CNKSR3: variants seen among roughly 807,000 people sequenced by gnomAD.
CNKSR3 encodes CNKSR family member 3, also known as connector enhancer of kinase suppressor of ras 3.
In CNKSR3, 36 loss-of-function variants were observed where a neutral mutation model predicts 67.7. The ratio of observed to expected loss-of-function variants is 0.53; its 90% CI spans 0.41 to 0.70. CNKSR3 has a LOEUF of 0.70. Among genes scored for constraint, CNKSR3 ranks in the 30% least tolerant of loss-of-function variants. The pLI is 0.00. For missense variants in CNKSR3, 630 were observed against 695.2 expected (o/e 0.91, Z 1.05); for synonymous variants, 281 against 271.4 (o/e 1.04, Z -0.35).
intron 1 of CNKSR3, among the ~76,000 whole-genome samples, chr6:154,483,426 C>T (rs1475601556): frequency 1.3e-5 from 2 of 152,150 alleles, no homozygotes; most frequent in Non-Finnish European, 2.9e-5. Context: ...ACCAACTTCA[C>T]TGCCCAGCAC....
At chr6:154,492,320 C>T (rs1210532284) in intron 1 of CNKSR3, among the ~76,000 whole-genome samples, 1 of 150,876 alleles carries the variant, frequency 6.6e-6, no homozygotes, top group African/African-American at 2.5e-5. Context: ...TCCCTACTCT[C>T]ACTCACTTGG....
In CNKSR3 at chr6:154,401,791, A is replaced by C; in HGVS notation, c.*4563T>G. 1 of 152,266 alleles carries C rather than the reference A, an allele frequency of 6.6e-6. No homozygotes were observed. The highest frequency in any genetic ancestry group is 3.4e-3 in the Middle Eastern group (1 of 294). 9.4% of individuals were successfully genotyped at this position (152,266 alleles called of 1,614,324 possible). A position where few individuals can be genotyped will look rare whatever the true frequency, so the allele number is the denominator to read the frequency against. On this transcript the variant is annotated 3_prime_UTR_variant, in exon 13 of 13. Transcript: ENST00000607772. Reference sequence around the variant, plus strand: ...AAACAAGTCAGGCCTACTTCTCCATACCATTCATGCCTATGGTGGCAAAAG... The same window carrying C: ...AAACAAGTCAGGCCTACTTCTCCATCCCATTCATGCCTATGGTGGCAAAAG...
Position 154,406,731 on chromosome 6 carries a change from A to C in CNKSR3, c.1370-79T>G, listed in dbSNP as rs535428157. 50 of 1,301,510 alleles carry C rather than the reference A, an allele frequency of 3.8e-5. No homozygotes were observed. In the African/African-American group the frequency reaches 5.1e-4, roughly 13 times the overall value. 80.6% of individuals were successfully genotyped at this position (1,301,510 alleles called of 1,614,324 possible). A position where few individuals can be genotyped will look rare whatever the true frequency, so the allele number is the denominator to read the frequency against. On this transcript the variant is annotated intron_variant, in intron 12 of 12. Transcript: ENST00000607772. ...ACACCTGTAATCTCCGCACTTTGGG[A>C]GGTCGAGGTGGGTGGATCACGAGGT...
intron 1 of CNKSR3, 26 bp from the exon 2 acceptor site, chr6:154,450,284 T>C (rs138502359): frequency 6.2e-7 from 1 of 1,610,192 alleles, no homozygotes; most frequent in Non-Finnish European, 8.5e-7. Context: ...AGAAGTCCCA[T>C]TATTGCCATT....
At chr6:154,419,892 C>T in intron 9 of CNKSR3, among the ~76,000 whole-genome samples, 1 of 151,820 alleles carries the variant, frequency 6.6e-6, no homozygotes, top group East Asian at 1.9e-4. Flanking sequence ...CCAGACTGGC[C>T]AATATGGTGA....
At chr6:154,431,027 T>C (rs560068564) in intron 5 of CNKSR3, among the ~76,000 whole-genome samples, 46 of 151,812 alleles carry the variant, frequency 3.0e-4, no homozygotes, top group African/African-American at 1.1e-3. Flanking sequence ...GTTTCACGTT[T>C]ATAAAAAAAA....
chr6:154,444,681 C>T (rs1004468444), intron 2 of CNKSR3, among the ~76,000 whole-genome samples: 1 of 150,138 alleles, frequency 6.7e-6, no homozygotes, highest in East Asian at 2.0e-4. Context: ...TCTCGGCTCA[C>T]TGCAACCTCT....
At chr6:154,426,650 C>A (rs777058061) in intron 7 of CNKSR3, among the ~76,000 whole-genome samples, 2 of 152,140 alleles carry the variant, frequency 1.3e-5, no homozygotes, top group African/African-American at 4.8e-5. Context: ...CCACCGCACC[C>A]GGCCCGTCTT....
intron 7 of CNKSR3, 32 bp from the exon 8 acceptor site, chr6:154,423,015 C>A (rs1785178428): frequency 7.3e-7 from 1 of 1,361,624 alleles, no homozygotes; most frequent in Non-Finnish European, 1.0e-6. Flanking sequence ...TGCCTTAATT[C>A]TTTTAAACCT....
chr6:154,478,739 G>C (rs1487584902), intron 1 of CNKSR3, among the ~76,000 whole-genome samples: 1 of 152,088 alleles, frequency 6.6e-6, no homozygotes, highest in Non-Finnish European at 1.5e-5. Context: ...CCTGAAACCT[G>C]CATCTTTTAA....
intron 1 of CNKSR3, among the ~76,000 whole-genome samples, chr6:154,468,393 T>TATAC (rs543312046): frequency 2.2e-5 from 3 of 137,218 alleles, no homozygotes; most frequent in Non-Finnish European, 4.7e-5. Flanking sequence ...ATATATTTTA[T>TATAC]ACACACACAC....
chr6:154,439,898 T>C (rs138832742), intron 4 of CNKSR3, among the ~76,000 whole-genome samples: 3 of 151,780 alleles, frequency 2.0e-5, no homozygotes, highest in Non-Finnish European at 4.4e-5. Context: ...CTCTTAAAAA[T>C]AAAACAAAAT....
intron 1 of CNKSR3, among the ~76,000 whole-genome samples, chr6:154,499,361 T>G (rs61541163): frequency 0.18 from 26,854 of 152,104 alleles, 3,245 homozygotes; most frequent in African/African-American, 0.35. Flanking sequence ...TCCCATTTTA[T>G]CCTGTACCAG....
chr6:154,482,087 C>G (rs1786578615), intron 1 of CNKSR3, among the ~76,000 whole-genome samples: 2 of 152,140 alleles, frequency 1.3e-5, no homozygotes, highest in East Asian at 3.8e-4. Flanking sequence ...GTTACCTTGC[C>G]CTTTGGGTCA....
intron 1 of CNKSR3, among the ~76,000 whole-genome samples, chr6:154,492,468 G>C (rs1346914399): frequency 6.6e-6 from 1 of 152,088 alleles, no homozygotes; most frequent in Non-Finnish European, 1.5e-5. Context: ...AATGGGCACT[G>C]CAAAATTAAA....
chr6:154,461,162 G>A (rs908721810), intron 1 of CNKSR3, among the ~76,000 whole-genome samples: 2 of 152,118 alleles, frequency 1.3e-5, no homozygotes, highest in African/African-American at 4.8e-5. Flanking sequence ...GTGCTGGCCG[G>A]GTTATCATCA....
At chr6:154,435,920 GT>G (rs1785461843) in intron 4 of CNKSR3, among the ~76,000 whole-genome samples, 1 of 152,254 alleles carries the variant, frequency 6.6e-6, no homozygotes, top group Non-Finnish European at 1.5e-5. Context: ...AGAATTCGGT[GT>G]GATGGCACGC....
intron 9 of CNKSR3, among the ~76,000 whole-genome samples, chr6:154,415,156 G>A (rs1784995957): frequency 6.8e-6 from 1 of 147,050 alleles, no homozygotes; most frequent in African/African-American, 2.5e-5. Flanking sequence ...GCAATCAGTA[G>A]CAGTGCTACT....
Position 154,442,188 on chromosome 6 carries a change from C to A in CNKSR3, c.319G>T (p.Ala107Ser), listed in dbSNP as rs776457984. 3 of 1,614,086 alleles carry A rather than the reference C, an allele frequency of 1.9e-6. No homozygotes were observed. Among genetic ancestry groups the A allele is most frequent in the East Asian group, 2.2e-5 (1 of 44,888 alleles). Residue 107 changes from alanine (A) to serine (S), a missense_variant, in exon 3 of 13, where the codon GCT (alanine) becomes TCT (serine). Ala to Ser is a moderately conservative substitution (Grantham distance 99). Around this residue, in one of 3 missense-constraint regions of CNKSR3, gnomAD observed 189 missense variants for 205.0 expected, o/e 0.92. Transcript: ENST00000607772. ...NYISSRRKSP[A>S]YDGNTSRKAP... ...TTGCGGGAGGTGTTGCCATCGTAAG[C>A]GGGACTTTTCCGTCGGCTACTTATG... is the stretch of plus-strand genomic sequence containing the variant.
Sources: gnomAD v4.1 joint callset for allele counts (sites outside exome capture counted in the v4.1 genomes callset) on GRCh38, gnomAD v4.1.1 for gene constraint, gnomAD v4.1.1 regional missense constraint, MANE v1.5 for transcripts, NCBI Gene and HGNC (gene_info 2026-07-23, HGNC 2026-07-21) for gene names.